UNC13C: variants seen among roughly 807,000 people sequenced by gnomAD.
The protein encoded by UNC13C is unc-13 homolog C, also known as protein unc-13 homolog C.
Under a neutral mutation model 245.4 loss-of-function variants are expected in UNC13C, and 174 were observed. That is an observed-to-expected ratio of 0.71 (90% CI 0.63 to 0.80). The LOEUF (loss-of-function observed/expected upper bound fraction) is 0.80, where lower values mean the gene tolerates loss of function less well. Among genes scored for constraint, UNC13C ranks in the 30% least tolerant of loss-of-function variants. The pLI is 0.00. For missense variants in UNC13C, 2,829 were observed against 2,602.9 expected (o/e 1.09, Z -1.89); for synonymous variants, 992 against 895.1 (o/e 1.11, Z -1.93).
chr15:54,341,767 G>T (rs1389821153), intron 17 of UNC13C, among the ~76,000 whole-genome samples: 2 of 152,054 alleles, frequency 1.3e-5, no homozygotes, highest in Non-Finnish European at 2.9e-5. Flanking sequence ...ACGAGGTCAG[G>T]AGATCGAGAC....
intron 30 of UNC13C, among the ~76,000 whole-genome samples, chr15:54,581,826 G>A (rs1898215452): frequency 6.6e-6 from 1 of 152,148 alleles, no homozygotes; most frequent in East Asian, 1.9e-4. Context: ...TGGTGCTGCT[G>A]AGTTTGAGAA....
At chr15:53,949,373 T>C in the UNC13C span, among the ~76,000 whole-genome samples, 1 of 152,234 alleles carries the variant, frequency 6.6e-6, no homozygotes, top group Admixed American at 6.5e-5. Flanking sequence ...GATTTATTGA[T>C]ATAACCCAGG....
At chr15:54,220,977 C>G (rs1233333277) in intron 4 of UNC13C, among the ~76,000 whole-genome samples, 1 of 151,954 alleles carries the variant, frequency 6.6e-6, no homozygotes, top group South Asian at 2.1e-4. Flanking sequence ...CTCTTGCTGG[C>G]TTAGAGGACA....
intron 19 of UNC13C, among the ~76,000 whole-genome samples, chr15:54,486,250 AAC>A (rs59221050): frequency 0.011 from 1,478 of 132,036 alleles, 9 homozygotes; most frequent in East Asian, 0.024. Flanking sequence ...GATCTATTAA[AAC>A]ACACACACAC....
chr15:54,455,169 C>CTCTCTCTCTCTCTGTCTCTCTA (rs1567288712), intron 19 of UNC13C, among the ~76,000 whole-genome samples: 1 of 21,646 alleles, frequency 4.6e-5, no homozygotes, highest in Non-Finnish European at 8.8e-5. Context: ...ATATTCCTCT[C>CTCTCTCTCTCTCTGTCTCTCTA]TCTCTCTCTC....
At chr15:54,455,228 T>TATATATATATA (rs1166523167) in intron 19 of UNC13C, among the ~76,000 whole-genome samples, 7 of 118,090 alleles carry the variant, frequency 5.9e-5, no homozygotes, top group Non-Finnish European at 1.1e-4. Flanking sequence ...TATATATATA[T>TATATATATATA]ATATATATAT....
At chr15:53,950,046 T>C in the UNC13C span, among the ~76,000 whole-genome samples, 1 of 152,176 alleles carries the variant, frequency 6.6e-6, no homozygotes, top group African/African-American at 2.4e-5. Flanking sequence ...GACAAACATC[T>C]GTGACACTCT....
At chr15:54,548,500 C>A (rs1003027445) in intron 27 of UNC13C, among the ~76,000 whole-genome samples, 3 of 152,042 alleles carry the variant, frequency 2.0e-5, no homozygotes, top group Non-Finnish European at 4.4e-5. Flanking sequence ...TGCTAGCTGT[C>A]CAAGCCATAT....
the UNC13C span, among the ~76,000 whole-genome samples, chr15:53,921,041 G>C: frequency 1.3e-5 from 2 of 151,860 alleles, no homozygotes; most frequent in Non-Finnish European, 2.9e-5. Context: ...AGGGTGCTAG[G>C]TGTTTTCTAG....
intron 19 of UNC13C, among the ~76,000 whole-genome samples, chr15:54,457,920 G>A (rs1450176938): frequency 1.7e-5 from 1 of 58,420 alleles, no homozygotes; most frequent in African/African-American, 7.0e-5. Context: ...TTTTTTTTCT[G>A]CTACTGGATT....
At chr15:53,988,697 T>C (rs894515468) in intron 1 of UNC13C, among the ~76,000 whole-genome samples, 7 of 151,936 alleles carry the variant, frequency 4.6e-5, no homozygotes, top group Admixed American at 1.3e-4. Flanking sequence ...AGGGCTATTG[T>C]TGGGTCTGAA....
chr15:54,563,108 G>T (rs1001353540), intron 29 of UNC13C, among the ~76,000 whole-genome samples: 1 of 151,978 alleles, frequency 6.6e-6, no homozygotes, highest in African/African-American at 2.4e-5. Context: ...TATGTATTAT[G>T]AATTCTGGCT....
intron 29 of UNC13C, among the ~76,000 whole-genome samples, chr15:54,566,424 G>A (rs1241475640): frequency 2.0e-5 from 3 of 151,962 alleles, no homozygotes; most frequent in Admixed American, 6.6e-5. Flanking sequence ...TAAAACTTAT[G>A]TTTTGTCTTT....
chr15:54,608,684 A>C (rs894374866), intron 30 of UNC13C, among the ~76,000 whole-genome samples: 1 of 152,198 alleles, frequency 6.6e-6, no homozygotes, highest in South Asian at 2.1e-4. Context: ...ACGATAAAAA[A>C]CAAAATACAC....
the UNC13C span, chr15:53,948,245 A>G: frequency 2.0e-5 from 3 of 152,106 alleles, no homozygotes. Flanking sequence ...TTATTTTTTG[A>G]AAGTGGTTCT....
At chr15:54,510,552 G>T (rs1894690344) in intron 23 of UNC13C, among the ~76,000 whole-genome samples, 1 of 151,704 alleles carries the variant, frequency 6.6e-6, no homozygotes, top group Admixed American at 6.6e-5. Flanking sequence ...GTTTTTAAGT[G>T]ACTGGAATCA....
At chr15:54,467,397 T>G (rs1016256411) in intron 19 of UNC13C, among the ~76,000 whole-genome samples, 1 of 150,890 alleles carries the variant, frequency 6.6e-6, no homozygotes, top group African/African-American at 2.4e-5. Flanking sequence ...TACAAATTTC[T>G]TTTTTTTTAC....
intron 4 of UNC13C, among the ~76,000 whole-genome samples, chr15:54,218,776 TAGGGC>T (rs1192857734): frequency 6.6e-6 from 1 of 151,924 alleles, no homozygotes; most frequent in Non-Finnish European, 1.5e-5. Flanking sequence ...AGAAGTGGAA[TAGGGC>T]ACTATTGATG....
At chr15:54,495,908 A>C (rs1335181662) in intron 20 of UNC13C, among the ~76,000 whole-genome samples, 1 of 151,994 alleles carries the variant, frequency 6.6e-6, no homozygotes, top group Non-Finnish European at 1.5e-5. Flanking sequence ...TAACTTAAAA[A>C]TGCCGTACTA....
Sources: gnomAD v4.1 joint callset for allele counts (sites outside exome capture counted in the v4.1 genomes callset) on GRCh38, gnomAD v4.1.1 for gene constraint, MANE v1.5 for transcripts, NCBI Gene and HGNC (gene_info 2026-07-23, HGNC 2026-07-21) for gene names.